The following BBOX1 variants were observed in gnomAD, a reference collection of about 807,000 sequenced individuals.
BBOX1 encodes gamma-butyrobetaine dioxygenase.
A neutral mutation model predicts 41.6 loss-of-function variants in BBOX1; 35 were observed. The observed-to-expected ratio is 0.84, with a 90% CI of 0.64 to 1.11. BBOX1 has a LOEUF of 1.11. Ranked by LOEUF, BBOX1 falls within the 50% of genes most tolerant of loss-of-function variation. The pLI is 0.00. For synonymous variants in BBOX1, 163 were observed against 154.7 expected, an observed-to-expected ratio of 1.05 and a Z score of -0.40; for missense variants, 458 against 460.6, an observed-to-expected ratio of 0.99 and a Z score of 0.05.
chr11:27,097,206 C>A (rs1456165708), intron 5 of BBOX1, among the ~76,000 whole-genome samples: 1 of 151,932 alleles, frequency 6.6e-6, no homozygotes, highest in Non-Finnish European at 1.5e-5. Context: ...TGCCTCATCT[C>A]ATGTCCTTTC....
intron 7 of BBOX1, among the ~76,000 whole-genome samples, chr11:27,121,009 A>C (rs1859439755): frequency 6.6e-6 from 1 of 152,182 alleles, no homozygotes; most frequent in Non-Finnish European, 1.5e-5. Context: ...AAATTATTAA[A>C]TGCTTAAGAA....
At chr11:27,126,425 C>G (rs1025980114) in intron 8 of BBOX1, among the ~76,000 whole-genome samples, 2 of 152,026 alleles carry the variant, frequency 1.3e-5, no homozygotes, top group Non-Finnish European at 2.9e-5. Context: ...GGAAAAAATA[C>G]AAAAAATACA....
chr11:27,048,815 T>C (rs1295684947), intron 2 of BBOX1, among the ~76,000 whole-genome samples: 2 of 150,184 alleles, frequency 1.3e-5, no homozygotes, highest in African/African-American at 4.9e-5. Flanking sequence ...GTTACATATG[T>C]ATACATGTGC....
At chr11:27,082,829 A>G (rs190823236) in intron 4 of BBOX1, among the ~76,000 whole-genome samples, 1 of 152,178 alleles carries the variant, frequency 6.6e-6, no homozygotes, top group Admixed American at 6.6e-5. Flanking sequence ...TTTACGTGTA[A>G]TTCTTGTTTT....
intron 5 of BBOX1, among the ~76,000 whole-genome samples, chr11:27,110,702 C>T (rs1859030204): frequency 6.6e-6 from 1 of 151,858 alleles, no homozygotes; most frequent in Admixed American, 6.6e-5. Flanking sequence ...ATCTCTTTAC[C>T]TTGCTTCATT....
intron 4 of BBOX1, among the ~76,000 whole-genome samples, chr11:27,077,194 G>C (rs574339325): frequency 3.0e-4 from 46 of 152,188 alleles, no homozygotes; most frequent in African/African-American, 1.0e-3. Context: ...CTTCTGTCAG[G>C]TACCCTGTGA....
intron 5 of BBOX1, among the ~76,000 whole-genome samples, chr11:27,108,329 G>C (rs1858936664): frequency 6.6e-6 from 1 of 152,032 alleles, no homozygotes; most frequent in South Asian, 2.1e-4. Context: ...AAAGAATGTA[G>C]GTGAATCAAT....
intron 4 of BBOX1, among the ~76,000 whole-genome samples, chr11:27,082,482 G>A (rs1367345410): frequency 6.6e-6 from 1 of 151,998 alleles, no homozygotes; most frequent in Non-Finnish European, 1.5e-5. Context: ...AGGAAGTCTG[G>A]GATAATAATC....
At chr11:27,070,455 A>G (rs1324502438) in intron 4 of BBOX1, among the ~76,000 whole-genome samples, 1 of 152,120 alleles carries the variant, frequency 6.6e-6, no homozygotes, top group East Asian at 1.9e-4. Context: ...TTAGAGGCAT[A>G]TATATTTAGG....
chr11:27,042,624 C>T (rs1056505128), intron 2 of BBOX1, among the ~76,000 whole-genome samples: 1 of 152,208 alleles, frequency 6.6e-6, no homozygotes, highest in Non-Finnish European at 1.5e-5. Flanking sequence ...GCTGGGATTA[C>T]AGGCCACTGT....
intron 5 of BBOX1, among the ~76,000 whole-genome samples, chr11:27,094,830 T>C (rs760280433): frequency 1.3e-5 from 2 of 152,018 alleles, no homozygotes; most frequent in Admixed American, 6.6e-5. Flanking sequence ...TTGTGTTGTA[T>C]AAAATTTGTA....
chr11:27,063,167 T>G (rs1857182734), intron 4 of BBOX1: 1 of 152,144 alleles, frequency 6.6e-6, no homozygotes. Flanking sequence ...TTGCCGGCCA[T>G]ATTCTCTAGT....
At chr11:27,078,032 C>T (rs1221544409) in intron 4 of BBOX1, among the ~76,000 whole-genome samples, 1 of 152,006 alleles carries the variant, frequency 6.6e-6, no homozygotes, top group South Asian at 2.1e-4. Context: ...CAATCTGGTA[C>T]CCCCTCCACG....
intron 5 of BBOX1, among the ~76,000 whole-genome samples, chr11:27,105,622 G>A (rs989989083): frequency 1.3e-5 from 2 of 152,152 alleles, no homozygotes; most frequent in African/African-American, 4.8e-5. Context: ...TCTGATTGGG[G>A]TACCTGAAAG....
chr11:27,098,054 C>T (rs966870719), intron 5 of BBOX1, among the ~76,000 whole-genome samples: 2 of 151,940 alleles, frequency 1.3e-5, no homozygotes, highest in Admixed American at 6.6e-5. Context: ...TCCTGCTTAA[C>T]CTTTTGTTTG....
intron 7 of BBOX1, 94 bp from the exon 8 acceptor site, chr11:27,125,560 T>C (rs908714647): frequency 2.8e-6 from 3 of 1,073,280 alleles, no homozygotes; most frequent in African/African-American, 3.2e-5. Flanking sequence ...TTTAATATGG[T>C]GTTTCAAAAA....
chr11:27,084,844 T>C (rs1402491170), intron 4 of BBOX1, among the ~76,000 whole-genome samples: 1 of 152,174 alleles, frequency 6.6e-6, no homozygotes, highest in Non-Finnish European at 1.5e-5. Context: ...AACCAGCATG[T>C]AGCCTGTTCA....
chr11:27,113,388 G>A (rs986407248), intron 5 of BBOX1, among the ~76,000 whole-genome samples: 7 of 151,832 alleles, frequency 4.6e-5, no homozygotes, highest in Admixed American at 3.3e-4. Context: ...CAATAGCAAA[G>A]ACATAGAATC....
chr11:27,073,640 T>C (rs112487082), intron 4 of BBOX1, among the ~76,000 whole-genome samples: 76 of 152,076 alleles, frequency 5.0e-4, no homozygotes, highest in African/African-American at 1.8e-3. Context: ...CTATTCACAA[T>C]AGCAAATACT....
Sources: allele counts gnomAD v4.1 joint callset (sites outside exome capture counted in the v4.1 genomes callset), GRCh38; gene constraint gnomAD v4.1.1; transcripts MANE v1.5; gene names NCBI Gene and HGNC (gene_info 2026-07-23, HGNC 2026-07-21).